CSMD1: variants seen among roughly 807,000 people sequenced by gnomAD.
The protein encoded by CSMD1 is CUB and sushi domain-containing protein 1.
Under a neutral mutation model 417.5 loss-of-function variants are expected in CSMD1, and 213 were observed. That is an observed-to-expected ratio of 0.51 (90% confidence interval 0.46 to 0.57). CSMD1 has a LOEUF of 0.57. Ranked by LOEUF, CSMD1 falls within the 20% of genes least tolerant of loss-of-function variation. The pLI is 0.00. For missense variants in CSMD1, 6,923 were observed against 4,529.7 expected (o/e 1.53, Z -15.17); for synonymous variants, 2,862 against 1,736.8 (o/e 1.65, Z -16.11).
At chr8:3,372,811 G>C (rs891653304) in intron 18 of CSMD1, among the ~76,000 whole-genome samples, 4 of 152,192 alleles carry the variant, frequency 2.6e-5, no homozygotes, top group Middle Eastern at 3.2e-3. Flanking sequence ...GCAAGGGATA[G>C]AAGGGAGACC....
intron 1 of CSMD1, among the ~76,000 whole-genome samples, chr8:4,881,912 CTT>C (rs1354416563): frequency 6.6e-6 from 1 of 151,916 alleles, no homozygotes; most frequent in Non-Finnish European, 1.5e-5. Context: ...ATGCTGGACA[CTT>C]TTGTGGGGTT....
intron 64 of CSMD1, among the ~76,000 whole-genome samples, chr8:2,954,615 A>T (rs1212136460): frequency 1.3e-5 from 2 of 152,166 alleles, no homozygotes; most frequent in Non-Finnish European, 2.9e-5. Flanking sequence ...ACCCCACCCA[A>T]ATAACCATGA....
chr8:4,420,564 G>A (rs1201406433), intron 2 of CSMD1, among the ~76,000 whole-genome samples: 1 of 152,142 alleles, frequency 6.6e-6, no homozygotes, highest in Non-Finnish European at 1.5e-5. Flanking sequence ...GACAGGTAAA[G>A]CATGTGAATG....
chr8:4,081,620 G>C (rs1006814399), intron 3 of CSMD1, among the ~76,000 whole-genome samples: 6 of 152,066 alleles, frequency 3.9e-5, no homozygotes, highest in Admixed American at 6.6e-5. Flanking sequence ...ATTTTTTGAA[G>C]GACAAATGGA....
intron 5 of CSMD1, among the ~76,000 whole-genome samples, chr8:3,758,442 G>T (rs1418954325): frequency 6.6e-6 from 1 of 152,154 alleles, no homozygotes; most frequent in Non-Finnish European, 1.5e-5. Context: ...TGTTTGTTTG[G>T]GAAAGGGGGT....
intron 27 of CSMD1, among the ~76,000 whole-genome samples, chr8:3,225,575 TGC>T (rs1798454239): frequency 6.6e-6 from 1 of 152,186 alleles, no homozygotes; most frequent in Non-Finnish European, 1.5e-5. Context: ...AAGATTCTAC[TGC>T]ACACAGGTTT....
Position 4,467,822 on chromosome 8 carries a change from C to G in CSMD1, c.303-47757G>C, listed in dbSNP as rs1191790320. Among the ~76,000 whole-genome samples the G allele has an allele frequency of 2.0e-5, 3 of 152,074 alleles. No individual in the cohort carries two copies. The East Asian group carries it at 5.8e-4, about 29-fold the overall frequency. ...GGAAAGAACTAGTGAAATAATTGGA[C>G]AAACTCAATGAAATAATTGGACAAA... is the stretch of plus-strand genomic sequence containing the variant. On this transcript the variant is annotated intron_variant, in intron 2 of 69. Coordinates refer to ENST00000635120, the MANE Select transcript of CSMD1 (RefSeq NM_033225.6).
chr8:3,401,210 C>CA (rs900475121), intron 15 of CSMD1, among the ~76,000 whole-genome samples: 1 of 151,684 alleles, frequency 6.6e-6, no homozygotes, highest in Non-Finnish European at 1.5e-5. Flanking sequence ...TGCAGAATTC[C>CA]AAAAAAATTA....
rs148175421 is a variant in CSMD1 at position 4,336,104 on chromosome 8, G to T, written c.415+83849C>A. On this transcript the variant is annotated intron_variant, in intron 3 of 69. Transcript: ENST00000635120. Reference sequence around the variant, plus strand: ...AATCCACTAATTGATGAGAAATAGTGTAAGTATTTTTCCTGTTCTGTATAA... The same window carrying T: ...AATCCACTAATTGATGAGAAATAGTTTAAGTATTTTTCCTGTTCTGTATAA... Among the ~76,000 whole-genome samples the T allele has an allele frequency of 4.9e-3, 751 of 152,174 alleles. 7 individuals carry two copies. The highest frequency in any genetic ancestry group is 0.017 in the African/African-American group (718 of 41,530).
chr8:4,358,344 C>G (rs552898349), intron 3 of CSMD1, among the ~76,000 whole-genome samples: 1 of 152,228 alleles, frequency 6.6e-6, no homozygotes, highest in African/African-American at 2.4e-5. Flanking sequence ...GGCCCATGAG[C>G]TTAGAATGAT....
chr8:3,838,412 A>T (rs979111704), intron 5 of CSMD1, among the ~76,000 whole-genome samples: 1 of 150,532 alleles, frequency 6.6e-6, no homozygotes, highest in Non-Finnish European at 1.5e-5. Flanking sequence ...ATATATAGAG[A>T]GAGACTATAT....
intron 49 of CSMD1, among the ~76,000 whole-genome samples, chr8:3,079,641 ATGT>A (rs1181608717): frequency 2.0e-5 from 3 of 152,160 alleles, no homozygotes; most frequent in East Asian, 1.9e-4. Context: ...TTTGAGAATG[ATGT>A]TGTTTTAAAA....
chr8:4,747,435 G>A (rs544981096), intron 1 of CSMD1, among the ~76,000 whole-genome samples: 1 of 152,084 alleles, frequency 6.6e-6, no homozygotes, highest in Non-Finnish European at 1.5e-5. Flanking sequence ...TTAAAAGGTG[G>A]TACTTATGTC....
Position 4,043,789 on chromosome 8 carries a change from T to C in CSMD1, c.416-11690A>G, listed in dbSNP as rs144804559. ...TTCAAATGCTGGAACGCTTTATATATGGTATTTCAAACCTTACACGTCTCC... is the reference window on the plus strand; with the variant it reads ...TTCAAATGCTGGAACGCTTTATATACGGTATTTCAAACCTTACACGTCTCC... On this transcript the variant is annotated intron_variant, in intron 3 of 69. Coordinates refer to ENST00000635120, the MANE Select transcript of CSMD1 (RefSeq NM_033225.6). 5.1e-4 allele frequency among the ~76,000 whole-genome samples: 77 copies of C among 152,312 alleles called. 1 individual carries two copies. Among genetic ancestry groups the C allele is most frequent in the Non-Finnish European group, 7.9e-4 (54 of 68,026 alleles).
intron 14 of CSMD1, among the ~76,000 whole-genome samples, chr8:3,407,586 G>C (rs890305770): frequency 2.0e-5 from 3 of 152,040 alleles, no homozygotes; most frequent in Non-Finnish European, 4.4e-5. Context: ...TGCATGGATG[G>C]ATAGAATGAT....
intron 1 of CSMD1, among the ~76,000 whole-genome samples, chr8:4,915,158 T>C (rs1044338497): frequency 1.4e-4 from 21 of 152,158 alleles, no homozygotes; most frequent in Non-Finnish European, 7.3e-5. Flanking sequence ...CGCATGCTTA[T>C]GATTATATAT....
At chr8:4,401,270 A>T (rs536433843) in intron 3 of CSMD1, among the ~76,000 whole-genome samples, 4 of 152,298 alleles carry the variant, frequency 2.6e-5, no homozygotes, top group African/African-American at 9.6e-5. Flanking sequence ...ATATGTCTTG[A>T]AACCTGTAAT....
chr8:3,717,752 G>A (rs1323240901), intron 6 of CSMD1, among the ~76,000 whole-genome samples: 3 of 152,078 alleles, frequency 2.0e-5, no homozygotes, highest in Admixed American at 2.0e-4. Flanking sequence ...CTGCCTTTAT[G>A]ACCTCTTTGA....
chr8:4,074,235 C>T (rs187142654), intron 3 of CSMD1, among the ~76,000 whole-genome samples: 260 of 151,778 alleles, frequency 1.7e-3, no homozygotes, highest in African/African-American at 6.1e-3. Flanking sequence ...TTTTGTAACC[C>T]CAGAGAAAGC....
Sources: allele counts gnomAD v4.1 joint callset (sites outside exome capture counted in the v4.1 genomes callset), GRCh38; gene constraint gnomAD v4.1.1; transcripts MANE v1.5; gene names NCBI Gene and HGNC (gene_info 2026-07-23, HGNC 2026-07-21).